The following MAP3K13 variants were observed in gnomAD, a reference collection of about 807,000 sequenced individuals.
The protein encoded by MAP3K13 is leucine zipper-bearing kinase.
MAP3K13 carries 52 observed loss-of-function variants against 104.0 expected under a neutral mutation model. The ratio of observed to expected loss-of-function variants is 0.50; its 90% CI spans 0.40 to 0.63. The LOEUF (loss-of-function observed/expected upper bound fraction) is 0.63. Among genes scored for constraint, MAP3K13 ranks in the 20% least tolerant of loss-of-function variants. MAP3K13 has a pLI of 0.00. For synonymous variants in MAP3K13, 394 were observed against 442.2 expected (o/e 0.89, Z 1.37); for missense variants, 914 against 1,218.5 (o/e 0.75, Z 3.72).
At chr3:185,321,490 C>T (rs572270368) in intron 2 of MAP3K13, among the ~76,000 whole-genome samples, 2 of 152,298 alleles carry the variant, frequency 1.3e-5, no homozygotes, top group South Asian at 4.1e-4. Flanking sequence ...ATGAACGATA[C>T]ATTCAAGATT....
chr3:185,379,945 G>C (rs1724622907), intron 1 of MAP3K13, among the ~76,000 whole-genome samples: 1 of 152,128 alleles, frequency 6.6e-6, no homozygotes, highest in South Asian at 2.1e-4. Context: ...AAGCACTTTG[G>C]GGGGCCGAGG....
intron 1 of MAP3K13, among the ~76,000 whole-genome samples, chr3:185,391,214 C>T (rs914473888): frequency 2.6e-5 from 4 of 152,176 alleles, no homozygotes; most frequent in Non-Finnish European, 5.9e-5. Context: ...TACCCATTAA[C>T]CAGTAACTCC....
chr3:185,336,477 G>A (rs1174482444), intron 2 of MAP3K13, among the ~76,000 whole-genome samples: 1 of 151,290 alleles, frequency 6.6e-6, no homozygotes, highest in Non-Finnish European at 1.5e-5. Context: ...AGGAGGCGGA[G>A]GCTGCAGTAA....
At chr3:185,472,593 A>G (rs1055491674) in intron 10 of MAP3K13, among the ~76,000 whole-genome samples, 3 of 152,302 alleles carry the variant, frequency 2.0e-5, no homozygotes, top group African/African-American at 4.8e-5. Context: ...TAAAGCGTCA[A>G]TGTTTTCACC....
intron 2 of MAP3K13, among the ~76,000 whole-genome samples, chr3:185,298,695 G>C (rs1248275479): frequency 1.3e-5 from 2 of 152,168 alleles, no homozygotes; most frequent in African/African-American, 4.8e-5. Flanking sequence ...TCCAGCATAA[G>C]TGATGTAGAA....
At chr3:185,422,763 G>A (rs1714205244) in intron 1 of MAP3K13, among the ~76,000 whole-genome samples, 1 of 152,236 alleles carries the variant, frequency 6.6e-6, no homozygotes, top group Non-Finnish European at 1.5e-5. Flanking sequence ...GACTTGTGCT[G>A]TATAGCAGGG....
In MAP3K13 at chr3:185,473,485, T is replaced by C. The variant is rs766694053; in HGVS notation, c.2154T>C (p.Ala718=). Residue 718 remains alanine, a synonymous_variant, in exon 11 of 14, where the codon GCT becomes GCC. Coordinates refer to ENST00000265026, the MANE Select transcript of MAP3K13 (RefSeq NM_004721.5). This position sits in a 1 kb window ranked among gnomAD's most constrained non-coding sequence, Gnocchi z 4.9. The part of the protein sequence containing the change: ...WRSSEPDKGQ[A]GPWGCCQADA... ...GTTCTGAGCCTGACAAGGGCCAAGCTGGTCCCTGGGGCTGTTGCCAGGCTG... is the reference window on the plus strand; with the variant it reads ...GTTCTGAGCCTGACAAGGGCCAAGCCGGTCCCTGGGGCTGTTGCCAGGCTG... 6 of 1,614,108 alleles carry C rather than the reference T, an allele frequency of 3.7e-6. No homozygotes were observed. The African/African-American group carries it at 8.0e-5, about 22-fold the overall frequency.
At chr3:185,314,565 G>A (rs1577416123) in intron 2 of MAP3K13, among the ~76,000 whole-genome samples, 2 of 150,818 alleles carry the variant, frequency 1.3e-5, no homozygotes, top group East Asian at 2.0e-4. Context: ...GCAGTGAGCC[G>A]AGATCACACC....
chr3:185,389,871 A>G (rs1254254596), intron 1 of MAP3K13, among the ~76,000 whole-genome samples: 1 of 152,204 alleles, frequency 6.6e-6, no homozygotes, highest in East Asian at 1.9e-4. Context: ...TCTTTCATGA[A>G]AAAAGAACTA....
At chr3:185,413,368 A>G (rs1454068197) in intron 1 of MAP3K13, among the ~76,000 whole-genome samples, 3 of 152,200 alleles carry the variant, frequency 2.0e-5, no homozygotes, top group Non-Finnish European at 4.4e-5. Context: ...CCAGTCCTAT[A>G]TGGTTGCCAC....
chr3:185,370,741 C>CA (rs60757309), intron 1 of MAP3K13, among the ~76,000 whole-genome samples: 78 of 112,000 alleles, frequency 7.0e-4, no homozygotes, highest in African/African-American at 2.4e-3. Flanking sequence ...TCTCTGTAGT[C>CA]AAAAAAAAAA....
chr3:185,439,241 G>A (rs1715200616), intron 3 of MAP3K13, among the ~76,000 whole-genome samples: 1 of 152,110 alleles, frequency 6.6e-6, no homozygotes, highest in Admixed American at 6.6e-5. Context: ...CATTTCCTTG[G>A]GGAAGGGACA....
At chr3:185,471,525 T>A (rs1290340930) in intron 10 of MAP3K13, among the ~76,000 whole-genome samples, 1 of 141,538 alleles carries the variant, frequency 7.1e-6, no homozygotes, top group Non-Finnish European at 1.5e-5. Flanking sequence ...AGTGGCACGA[T>A]CTCAGCTCAC....
intron 2 of MAP3K13, among the ~76,000 whole-genome samples, chr3:185,355,399 G>A (rs563664748): frequency 2.0e-5 from 3 of 151,522 alleles, no homozygotes; most frequent in African/African-American, 7.3e-5. Flanking sequence ...CCCGAGAGGC[G>A]GAGGTTGCAG....
chr3:185,366,377 G>C (rs945083401), intron 1 of MAP3K13, among the ~76,000 whole-genome samples: 1 of 152,116 alleles, frequency 6.6e-6, no homozygotes, highest in Non-Finnish European at 1.5e-5. Flanking sequence ...TTGACTATTA[G>C]GAATAATGCT....
intron 1 of MAP3K13, among the ~76,000 whole-genome samples, chr3:185,391,835 A>G (rs1326609099): frequency 1.3e-5 from 2 of 152,222 alleles, no homozygotes; most frequent in East Asian, 3.8e-4. Flanking sequence ...ACAATTAAAA[A>G]GCAGATAGGT....
intron 11 of MAP3K13, among the ~76,000 whole-genome samples, chr3:185,474,573 C>T (rs1577622933): frequency 6.6e-6 from 1 of 152,210 alleles, no homozygotes; most frequent in Non-Finnish European, 1.5e-5. Context: ...CCTATTTGAA[C>T]ATACAGCCTT....
chr3:185,376,811 G>A lies in MAP3K13; in HGVS notation c.-86+13443G>A, dbSNP rs570052748. 4.6e-5 allele frequency among the ~76,000 whole-genome samples: 7 copies of A among 152,204 alleles called. No homozygotes were observed. The East Asian group carries it at 9.7e-4, about 21-fold the overall frequency. On this transcript the variant is annotated intron_variant, in intron 1 of 13. Transcript: ENST00000265026. ...CGGACGTGATCAGCAGGGAGAGCACGTGTGTTTTCATGCAGAATTATGTCG... is the reference window on the plus strand; with the variant it reads ...CGGACGTGATCAGCAGGGAGAGCACATGTGTTTTCATGCAGAATTATGTCG...
intron 1 of MAP3K13, among the ~76,000 whole-genome samples, chr3:185,426,370 AC>A (rs1239890317): frequency 2.0e-5 from 3 of 152,176 alleles, no homozygotes; most frequent in Non-Finnish European, 4.4e-5. Flanking sequence ...GTGAGCTACC[AC>A]GCCAGCCAAG....
Sources: allele counts gnomAD v4.1 joint callset (sites outside exome capture counted in the v4.1 genomes callset), GRCh38; gene constraint gnomAD v4.1.1; non-coding constraint Gnocchi (gnomAD v3.1); transcripts MANE v1.5; gene names NCBI Gene and HGNC (gene_info 2026-07-23, HGNC 2026-07-21).